TOM1L2: variants seen among roughly 807,000 people sequenced by gnomAD.
The protein encoded by TOM1L2 is target of myb1 like 2 membrane trafficking protein, also known as TOM1-like protein 2.
A neutral mutation model predicts 67.9 loss-of-function variants in TOM1L2; 31 were observed. The ratio of observed to expected loss-of-function variants is 0.46; its 90% confidence interval spans 0.34 to 0.62. The LOEUF is 0.62. TOM1L2 is among the 20% of genes least tolerant of loss of function. TOM1L2 has a pLI of 0.01. For missense variants in TOM1L2, 606 were observed against 663.5 expected (o/e 0.91, Z 0.95); for synonymous variants, 256 against 254.0 (o/e 1.01, Z -0.07).
At chr17:17,855,115 C>A (rs1325749333) in intron 12 of TOM1L2, among the ~76,000 whole-genome samples, 1 of 152,210 alleles carries the variant, frequency 6.6e-6, no homozygotes, top group Non-Finnish European at 1.5e-5. Context: ...ATGTCAGAAG[C>A]CACAGGTTTT....
At chr17:17,954,328 T>G (rs1233690248) in intron 1 of TOM1L2, among the ~76,000 whole-genome samples, 5 of 151,516 alleles carry the variant, frequency 3.3e-5, no homozygotes, top group African/African-American at 7.3e-5. Context: ...TTTTTTTTTT[T>G]TGTGATGGAG....
chr17:17,869,310 A>G (rs1338366460), intron 8 of TOM1L2, 30 bp downstream of exon 8: 2 of 1,068,302 alleles, frequency 1.9e-6, no homozygotes, highest in Admixed American at 2.4e-5. Context: ...TTTCAAGGGA[A>G]AAAAAAAAAA....
chr17:17,946,524 T>C (rs2040959224), intron 1 of TOM1L2, among the ~76,000 whole-genome samples: 1 of 152,204 alleles, frequency 6.6e-6, no homozygotes, highest in Non-Finnish European at 1.5e-5. Flanking sequence ...CAATTCTATT[T>C]TTTATTAGCA....
At chr17:17,914,372 C>T (rs1169308601) in intron 1 of TOM1L2, among the ~76,000 whole-genome samples, 1 of 152,212 alleles carries the variant, frequency 6.6e-6, no homozygotes, top group Admixed American at 6.5e-5. Flanking sequence ...AACAGATGTG[C>T]CTACCACCAC....
chr17:17,886,511 T>C (rs1283091730), intron 4 of TOM1L2, among the ~76,000 whole-genome samples: 1 of 152,248 alleles, frequency 6.6e-6, no homozygotes, highest in Non-Finnish European at 1.5e-5. Flanking sequence ...AAAATCCAGC[T>C]AAGTCCTGTG....
chr17:17,871,413 T>A lies in TOM1L2; in HGVS notation c.778-1940A>T, dbSNP rs538852603. On this transcript the variant is annotated intron_variant, in intron 7 of 14. Coordinates refer to ENST00000379504, the MANE Select transcript of TOM1L2 (RefSeq NM_001082968.2). Reference sequence around the variant, plus strand: ...GGCCAAGTGCGGTGCCTCATGCCTGTAATCCCAGCACTTTGGGAGGCCGAG... The same window carrying A: ...GGCCAAGTGCGGTGCCTCATGCCTGAAATCCCAGCACTTTGGGAGGCCGAG... Among the ~76,000 whole-genome samples the A allele has an allele frequency of 6.3e-3, 958 of 152,276 alleles. 7 individuals carry two copies. The highest frequency in any genetic ancestry group is 0.011 in the Non-Finnish European group (742 of 68,020).
At chr17:17,872,045 G>A in intron 7 of TOM1L2, 1 of 985,480 alleles carries the variant, frequency 1.0e-6, no homozygotes, top group Non-Finnish European at 1.2e-6. Context: ...CTTGGGGCCT[G>A]CCAGACGTGG....
chr17:17,908,636 A>G (rs879758042), intron 1 of TOM1L2, among the ~76,000 whole-genome samples: 1 of 152,216 alleles, frequency 6.6e-6, no homozygotes, highest in Non-Finnish European at 1.5e-5. Context: ...GGACTTCAAT[A>G]GACATTTCTC....
At chr17:17,921,516 G>A (rs1444049763) in intron 1 of TOM1L2, among the ~76,000 whole-genome samples, 1 of 152,096 alleles carries the variant, frequency 6.6e-6, no homozygotes, top group African/African-American at 2.4e-5. Flanking sequence ...GGCCAATTTA[G>A]GGCCAGGATG....
intron 4 of TOM1L2, among the ~76,000 whole-genome samples, chr17:17,889,149 C>G (rs2038142953): frequency 6.6e-6 from 1 of 152,124 alleles, no homozygotes; most frequent in South Asian, 2.1e-4. Context: ...CTGGGTCTGT[C>G]TTTTGGCGGG....
At chr17:17,902,577 AG>A (rs1326743653) in intron 2 of TOM1L2, among the ~76,000 whole-genome samples, 1 of 152,214 alleles carries the variant, frequency 6.6e-6, no homozygotes, top group Admixed American at 6.5e-5. Context: ...TGTTGGGGGT[AG>A]GGGGCGCTGC....
chr17:17,848,685 C>A, intron 14 of TOM1L2, 138 bp downstream of exon 14: 3 of 887,932 alleles, frequency 3.4e-6, no homozygotes. Flanking sequence ...GACAAAGCCA[C>A]CCGTGAAGCC....
chr17:17,892,467 G>A (rs975739581), intron 4 of TOM1L2, among the ~76,000 whole-genome samples: 8 of 152,052 alleles, frequency 5.3e-5, no homozygotes, highest in Middle Eastern at 3.2e-3. Flanking sequence ...GTGTCACCAC[G>A]TGCTCTGTCT....
At chr17:17,913,273 G>C (rs902132347) in intron 1 of TOM1L2, among the ~76,000 whole-genome samples, 4 of 149,514 alleles carry the variant, frequency 2.7e-5, no homozygotes, top group Non-Finnish European at 4.4e-5. Flanking sequence ...GAGGGAGAGG[G>C]AGAGGGAGAG....
intron 5 of TOM1L2, among the ~76,000 whole-genome samples, chr17:17,883,192 T>C (rs544470261): frequency 2.6e-5 from 4 of 152,118 alleles, no homozygotes; most frequent in Admixed American, 6.6e-5. Context: ...GGGATCCAAG[T>C]GGAGGGAGGG....
In TOM1L2 at chr17:17,962,830, G is replaced by A. The variant is rs1034005747; in HGVS notation, c.52+9432C>T. ...AAAAAATTTAGCTGGGCGTGGTGGC[G>A]CGTGCCTGTAGTCCCAGCTACTTGG... On this transcript the variant is annotated intron_variant, in intron 1 of 14. Transcript: ENST00000379504. Among the ~76,000 whole-genome samples the A allele has an allele frequency of 7.9e-5, 12 of 151,962 alleles. No homozygotes were observed. In the East Asian group the frequency reaches 1.6e-3, roughly 20 times the overall value.
intron 1 of TOM1L2, among the ~76,000 whole-genome samples, chr17:17,911,698 A>G (rs2144487122): frequency 6.8e-6 from 1 of 146,334 alleles, no homozygotes; most frequent in East Asian, 2.0e-4. Flanking sequence ...GGTGTTTCTC[A>G]CAGAGGGGGA....
At chr17:17,885,440 CT>C (rs1045361173) in intron 4 of TOM1L2, among the ~76,000 whole-genome samples, 8 of 152,352 alleles carry the variant, frequency 5.3e-5, no homozygotes, top group African/African-American at 1.9e-4. Flanking sequence ...CCCAGGGGTC[CT>C]TTTCCCAGAC....
intron 2 of TOM1L2, among the ~76,000 whole-genome samples, chr17:17,900,925 C>T (rs2038822856): frequency 6.6e-6 from 1 of 152,206 alleles, no homozygotes. Flanking sequence ...GCTGCCACAC[C>T]CCTCAGTCCT....
Sources: gnomAD v4.1 joint callset for allele counts (sites outside exome capture counted in the v4.1 genomes callset) on GRCh38, gnomAD v4.1.1 for gene constraint, MANE v1.5 for transcripts, NCBI Gene and HGNC (gene_info 2026-07-23, HGNC 2026-07-21) for gene names.